The following SUMF1 variants were observed in gnomAD, a reference collection of about 807,000 sequenced individuals.
SUMF1 encodes sulfatase modifying factor 1.
In SUMF1, 48 loss-of-function variants were observed where a neutral mutation model predicts 47.6. The observed-to-expected ratio is 1.01, with a 90% confidence interval of 0.80 to 1.28. The LOEUF is 1.28. Among genes scored for constraint, SUMF1 ranks in the 50% most tolerant of loss-of-function variants. The probability of loss-of-function intolerance (pLI) is 0.00; values close to 1 mark genes in which losing one functional copy is unlikely to be tolerated. For synonymous variants in SUMF1, 230 were observed against 192.1 expected (o/e 1.20, Z -1.63); for missense variants, 571 against 485.4 (o/e 1.18, Z -1.66).
chr3:4,388,243 C>T (rs548581533), intron 7 of SUMF1, among the ~76,000 whole-genome samples: 1 of 152,176 alleles, frequency 6.6e-6, no homozygotes, highest in Admixed American at 6.5e-5. Context: ...CATGTTTCAG[C>T]TCCATTCTCT....
At position 4,092,425 on chromosome 3, in the gene SUMF1, T is replaced by C. The variant is rs576553885; in HGVS notation, c.1015-23680A>G. On this transcript the variant is annotated intron_variant and NMD_transcript_variant, in intron 8 of 12. Transcript: ENST00000448413. ...TGGTGAATTTCATGACTTCAAAGAATCCTTTCCACATTGAGCATCTATGCC... is the reference window on the plus strand; with the variant it reads ...TGGTGAATTTCATGACTTCAAAGAACCCTTTCCACATTGAGCATCTATGCC... 9.9e-4 allele frequency among the ~76,000 whole-genome samples: 151 copies of C among 152,236 alleles called. 2 individuals carry two copies. In the South Asian group the frequency reaches 0.03, roughly 30 times the overall value.
At chr3:4,233,143 G>A (rs1257606573) in intron 8 of SUMF1, among the ~76,000 whole-genome samples, 1 of 152,088 alleles carries the variant, frequency 6.6e-6, no homozygotes, top group Admixed American at 6.6e-5. Context: ...AAAACAAATG[G>A]GATGTTTGGC....
At chr3:4,239,189 A>G (rs1041641538) in intron 8 of SUMF1, among the ~76,000 whole-genome samples, 3 of 152,080 alleles carry the variant, frequency 2.0e-5, no homozygotes, top group Non-Finnish European at 4.4e-5. Context: ...CTTTTAATAT[A>G]GTTTGAAGCC....
chr3:4,045,456 T>A (rs1694988364), intron 9 of SUMF1, among the ~76,000 whole-genome samples: 1 of 151,952 alleles, frequency 6.6e-6, no homozygotes, highest in African/African-American at 2.4e-5. Flanking sequence ...ATACCTTGAC[T>A]GATACATGAG....
intron 7 of SUMF1, among the ~76,000 whole-genome samples, chr3:4,391,680 G>C (rs1700868355): frequency 6.6e-6 from 1 of 151,958 alleles, no homozygotes; most frequent in Non-Finnish European, 1.5e-5. Flanking sequence ...ATAGGGTTTT[G>C]CCATGTTGCC....
intron 1 of SUMF1, among the ~76,000 whole-genome samples, chr3:4,458,679 T>C (rs1033374655): frequency 2.6e-5 from 4 of 151,828 alleles, no homozygotes; most frequent in Non-Finnish European, 4.4e-5. Flanking sequence ...CACGGTGAAA[T>C]CCCGTCTCCA....
intron 8 of SUMF1, among the ~76,000 whole-genome samples, chr3:4,206,610 T>G (rs2125157797): frequency 1.3e-5 from 2 of 152,268 alleles, no homozygotes; most frequent in East Asian, 3.9e-4. Flanking sequence ...TTCAAAACTG[T>G]ATTTCCTACC....
chr3:4,139,532 T>C (rs1694024268), intron 8 of SUMF1, among the ~76,000 whole-genome samples: 1 of 150,626 alleles, frequency 6.6e-6, no homozygotes. Flanking sequence ...CATGCATGTG[T>C]GTGTGTATAT....
intron 8 of SUMF1, among the ~76,000 whole-genome samples, chr3:4,078,554 T>A (rs533701231): frequency 6.6e-6 from 1 of 150,910 alleles, no homozygotes; most frequent in African/African-American, 2.5e-5. Flanking sequence ...GCTAATTATA[T>A]GCCAGGTGCT....
chr3:4,409,112 A>G (rs576404327), intron 7 of SUMF1, among the ~76,000 whole-genome samples: 3 of 152,178 alleles, frequency 2.0e-5, no homozygotes, highest in Non-Finnish European at 4.4e-5. Context: ...GTCTAGTCAC[A>G]ATGTGGCAAA....
intron 8 of SUMF1, among the ~76,000 whole-genome samples, chr3:4,296,787 GTAA>G (rs559228127): frequency 2.8e-4 from 42 of 151,034 alleles, no homozygotes; most frequent in Non-Finnish European, 5.5e-4. Flanking sequence ...GATAATAATG[GTAA>G]TAATAATGTC....
chr3:4,038,684 G>A (rs1354993705), intron 9 of SUMF1, among the ~76,000 whole-genome samples: 2 of 152,074 alleles, frequency 1.3e-5, no homozygotes, highest in African/African-American at 2.4e-5. Context: ...AAGCTCAGGT[G>A]TAGCCCTCAG....
At chr3:4,193,334 A>G (rs1695360677) in intron 8 of SUMF1, among the ~76,000 whole-genome samples, 1 of 152,090 alleles carries the variant, frequency 6.6e-6, no homozygotes, top group Admixed American at 6.6e-5. Flanking sequence ...GGCCTTTATA[A>G]TAAGACTGTA....
At chr3:4,360,205 C>CTTTTTTTTTTTTTT (rs57690047), downstream of SUMF1, among the ~76,000 whole-genome samples, 5 of 104,140 alleles carry the variant, frequency 4.8e-5, 2 homozygotes, top group African/African-American at 6.9e-5. Context: ...AATGTTTGTT[C>CTTTTTTTTTTTTTT]TTTTTTTTTT....
chr3:4,069,207 G>A (rs890711745), intron 8 of SUMF1, among the ~76,000 whole-genome samples: 32 of 149,294 alleles, frequency 2.1e-4, no homozygotes, highest in Non-Finnish European at 1.2e-4. Context: ...GCATGTAACA[G>A]GCAAACAAAA....
intron 8 of SUMF1, among the ~76,000 whole-genome samples, chr3:4,337,569 A>G (rs1464435922): frequency 6.6e-6 from 1 of 151,872 alleles, no homozygotes; most frequent in Non-Finnish European, 1.5e-5. Flanking sequence ...TCTGCTCACC[A>G]TGGTACCTAC....
At chr3:4,243,112 C>A (rs1260678189) in intron 8 of SUMF1, among the ~76,000 whole-genome samples, 1 of 152,050 alleles carries the variant, frequency 6.6e-6, no homozygotes, top group Non-Finnish European at 1.5e-5. Context: ...GGTGATATGC[C>A]GTTTATCATT....
chr3:4,455,441 T>G lies in SUMF1; in HGVS notation c.271-2392A>C, dbSNP rs1280678648. Among the ~76,000 whole-genome samples, 6 of 152,250 alleles carry G rather than the reference T, an allele frequency of 3.9e-5. No homozygotes were observed. In the South Asian group the frequency reaches 1.2e-3, roughly 32 times the overall value. ...TAAATAATTTTAAAAATTGGCCAGG[T>G]GCAGTGGCTCACACCTGTAATCCTA... On this transcript the variant is annotated intron_variant, in intron 1 of 8. Coordinates refer to ENST00000272902, the MANE Select transcript of SUMF1 (RefSeq NM_182760.4).
chr3:4,341,695 C>T (rs906483451), intron 8 of SUMF1, among the ~76,000 whole-genome samples: 1 of 152,012 alleles, frequency 6.6e-6, no homozygotes, highest in African/African-American at 2.4e-5. Flanking sequence ...GGATTCACTC[C>T]CCATTTAAAA....
Sources: gnomAD v4.1 joint callset for allele counts (sites outside exome capture counted in the v4.1 genomes callset) on GRCh38, gnomAD v4.1.1 for gene constraint, MANE v1.5 for transcripts, NCBI Gene and HGNC (gene_info 2026-07-23, HGNC 2026-07-21) for gene names.